The following PLAC1 variants were observed in gnomAD, a reference collection of about 807,000 sequenced individuals.
PLAC1 encodes placenta associated 1.
For missense variants in PLAC1, 136 were observed against 163.2 expected, an observed-to-expected ratio of 0.83 and a Z score of 0.91; for synonymous variants, 68 against 62.1, an observed-to-expected ratio of 1.09 and a Z score of -0.44.
chrX:134,664,651 G>T (rs1188252518), intron 2 of PLAC1, among the ~76,000 whole-genome samples: 1 of 112,337 alleles, frequency 8.9e-6, no homozygotes, highest in African/African-American at 3.2e-5. Flanking sequence ...AAGATGCAGT[G>T]CAAGGTGATG....
rs545336034 is a variant in PLAC1 at position 134,702,558 on chromosome X, G to A, written n.174+30877C>T. Among the ~76,000 whole-genome samples the A allele has an allele frequency of 1.1e-4, 12 of 111,789 alleles. No homozygotes were observed. The South Asian group carries it at 4.1e-3, about 39-fold the overall frequency. ...AGGAGCTAAAACATTGAGTACATAT[G>A]GACATAAAGATGGCAACAATGGACA... On this transcript the variant is annotated intron_variant and non_coding_transcript_variant, in intron 2 of 2. Coordinates refer to the PLAC1 transcript ENST00000466797.
chrX:134,700,885 C>T (rs982214943), intron 2 of PLAC1, among the ~76,000 whole-genome samples: 5 of 111,549 alleles, frequency 4.5e-5, no homozygotes, highest in African/African-American at 1.6e-4. Flanking sequence ...ACAGATTGAG[C>T]ACTATTCCTG....
intron 1 of PLAC1, among the ~76,000 whole-genome samples, chrX:134,648,891 T>C (rs1171261037): frequency 9.0e-6 from 1 of 111,579 alleles, no homozygotes; most frequent in Non-Finnish European, 1.9e-5. Context: ...GAATCGATGG[T>C]TCAACATGAA....
intron 1 of PLAC1, among the ~76,000 whole-genome samples, chrX:134,652,920 G>A (rs1049140825): frequency 2.7e-5 from 3 of 111,965 alleles, no homozygotes; most frequent in Admixed American, 9.4e-5. Context: ...TGAGGTCCGC[G>A]GCTGCTCTCT....
At chrX:134,710,576 C>T (rs1051673201) in intron 2 of PLAC1, among the ~76,000 whole-genome samples, 4 of 111,429 alleles carry the variant, frequency 3.6e-5, no homozygotes. Context: ...TAAATATCCA[C>T]CAAAGGAGGA....
intron 1 of PLAC1, among the ~76,000 whole-genome samples, chrX:134,641,025 T>C (rs2078305322): frequency 1.8e-5 from 2 of 111,770 alleles, no homozygotes; most frequent in Admixed American, 1.9e-4. Flanking sequence ...GGCGAGAGGA[T>C]TGATTGAGGC....
At chrX:134,753,698 T>G (rs2078749973) in intron 1 of PLAC1, among the ~76,000 whole-genome samples, 1 of 111,231 alleles carries the variant, frequency 9.0e-6, no homozygotes, top group African/African-American at 3.3e-5. Context: ...CTTGAGGTCC[T>G]TACAGCTCAC....
intron 1 of PLAC1, among the ~76,000 whole-genome samples, chrX:134,608,679 CT>C (rs61216654): frequency 3.4e-3 from 306 of 90,075 alleles, no homozygotes; most frequent in African/African-American, 0.011. Context: ...TTTCTTTTTT[CT>C]TTTTTTTTTT....
chrX:134,667,726 G>A (rs771809151), intron 2 of PLAC1, among the ~76,000 whole-genome samples: 177 of 110,473 alleles, frequency 1.6e-3, no homozygotes, highest in Non-Finnish European at 2.4e-3. Context: ...TTTGAGATCC[G>A]CCTGGGCTAT....
intron 2 of PLAC1, among the ~76,000 whole-genome samples, chrX:134,683,785 C>A (rs2078506591): frequency 8.9e-6 from 1 of 112,121 alleles, no homozygotes. Flanking sequence ...CCGGAGCTGC[C>A]ACAAAGTCAA....
intron 2 of PLAC1, among the ~76,000 whole-genome samples, chrX:134,698,030 G>A (rs1056924316): frequency 1.8e-5 from 2 of 111,904 alleles, no homozygotes; most frequent in Admixed American, 9.5e-5. Flanking sequence ...TTATTTATAT[G>A]TCAATAAATA....
intron 1 of PLAC1, among the ~76,000 whole-genome samples, chrX:134,612,182 C>G (rs1470253377): frequency 1.8e-5 from 2 of 111,968 alleles, no homozygotes; most frequent in African/African-American, 6.5e-5. Context: ...ATGTTTTGCA[C>G]AGTCATTAAG....
Position 134,750,932 on chromosome X carries a change from TATATATATTTATAA to T in PLAC1, n.89+13288_89+13301del, listed in dbSNP as rs1408905871. ...ATATTTATATATATATATTTTTATA[TATATATATTTATAA>T]ATATATATATATATATTTATATATA... On this transcript the variant is annotated intron_variant and non_coding_transcript_variant, in intron 1 of 2. Transcript: ENST00000466797. Among the ~76,000 whole-genome samples, 14 of 32,777 alleles carry T rather than the reference TATATATATTTATAA, an allele frequency of 4.3e-4. 5 individuals are homozygous for T. The highest frequency in any genetic ancestry group is 3.0e-3 in the African/African-American group (14 of 4,727). The allele number at this position is 32,777 out of a possible 115,157, so 28.5% of individuals were successfully genotyped here.
At position 134,743,088 on chromosome X, in the gene PLAC1, G is replaced by A. The variant is rs149331504; in HGVS notation, n.90-9569C>T. ...AAACCATGCTCAAGGATTTGTTTGA[G>A]AGGGATAAATGTGAAATTACAGGAC... On this transcript the variant is annotated intron_variant and non_coding_transcript_variant, in intron 1 of 2. Coordinates refer to the PLAC1 transcript ENST00000466797. Among the ~76,000 whole-genome samples, 1,051 of 111,979 alleles carry A rather than the reference G, an allele frequency of 9.4e-3. 15 individuals are homozygous for A. The highest frequency in any genetic ancestry group is 0.032 in the African/African-American group (997 of 30,828).
At chrX:134,696,848 G>A (rs1413912360) in intron 2 of PLAC1, among the ~76,000 whole-genome samples, 3 of 109,285 alleles carry the variant, frequency 2.7e-5, no homozygotes, top group African/African-American at 1.0e-4. Flanking sequence ...CTAACTCTGT[G>A]AAAACCCATC....
chrX:134,569,536 C>G (rs2077894493), intron 2 of PLAC1, among the ~76,000 whole-genome samples: 1 of 111,702 alleles, frequency 9.0e-6, no homozygotes, highest in Non-Finnish European at 1.9e-5. Context: ...GAAGAGGTCA[C>G]TGAGACCCAG....
intron 2 of PLAC1, among the ~76,000 whole-genome samples, chrX:134,574,338 C>T (rs748378429): frequency 3.6e-5 from 4 of 112,357 alleles, no homozygotes; most frequent in African/African-American, 1.3e-4. Context: ...TGAATGACCA[C>T]CAGAAATCAC....
At chrX:134,597,577 A>T (rs750602267) in intron 2 of PLAC1, among the ~76,000 whole-genome samples, 2 of 112,112 alleles carry the variant, frequency 1.8e-5, no homozygotes, top group East Asian at 5.6e-4. Context: ...ATATTATGTC[A>T]TGAGACTCTG....
rs183931434 is a variant in PLAC1 at position 134,724,948 on chromosome X, G to A, written n.174+8487C>T. Among the ~76,000 whole-genome samples the A allele has an allele frequency of 5.4e-3, 600 of 110,231 alleles. 3 individuals are homozygous for A. The highest frequency in any genetic ancestry group is 0.019 in the African/African-American group (589 of 30,287). ...GCCTGGAAGGCCGAGGCTGCAGTGA[G>A]CTGTGATCGTGCCACTGCATTCCAG... On this transcript the variant is annotated intron_variant and non_coding_transcript_variant, in intron 2 of 2. Coordinates refer to the PLAC1 transcript ENST00000466797.
Sources: gnomAD v4.1 joint callset for allele counts (sites outside exome capture counted in the v4.1 genomes callset) on GRCh38, gnomAD v4.1.1 for gene constraint, MANE v1.5 for transcripts, NCBI Gene and HGNC (gene_info 2026-07-23, HGNC 2026-07-21) for gene names.